CENPP: variants seen among roughly 807,000 people sequenced by gnomAD.
CENPP encodes centromere protein P.
CENPP carries 24 observed loss-of-function variants against 35.6 expected under a neutral mutation model. The observed-to-expected ratio is 0.67, with a 90% confidence interval of 0.49 to 0.95. CENPP has a LOEUF of 0.95. Ranked by LOEUF, CENPP falls within the 40% of genes least tolerant of loss-of-function variation. The pLI is 0.00. For synonymous variants in CENPP, 120 were observed against 125.5 expected (o/e 0.96, Z 0.29); for missense variants, 332 against 345.3 (o/e 0.96, Z 0.31).
rs1841325362 is a variant in CENPP, at chr9:92,347,488, A to T, written c.467+1701A>T. ...ACATAGGTCAGAAGACCTGGATTTT[A>T]TTCCAGATTCAACTACGTGTAAGTT... is the stretch of plus-strand genomic sequence containing the variant. On this transcript the variant is annotated intron_variant, in intron 4 of 7. Coordinates refer to ENST00000375587, the MANE Select transcript of CENPP (RefSeq NM_001012267.3). 4.6e-5 allele frequency among the ~76,000 whole-genome samples: 7 copies of T among 152,210 alleles called. No individual in the cohort carries two copies. The South Asian group carries it at 1.4e-3, about 31-fold the overall frequency.
chr9:92,417,507 C>G (rs777123276), intron 5 of CENPP: 40 of 1,609,686 alleles, frequency 2.5e-5, no homozygotes, highest in Non-Finnish European at 3.3e-5. Flanking sequence ...TGGCAATGTA[C>G]TTTGACTCCA....
chr9:92,366,504 G>A (rs956920811), intron 4 of CENPP, among the ~76,000 whole-genome samples: 1 of 152,112 alleles, frequency 6.6e-6, no homozygotes, highest in Admixed American at 6.5e-5. Flanking sequence ...AACTCCTTTA[G>A]TAAGTATATG....
chr9:92,482,560 A>G (rs1416063247), intron 5 of CENPP: 2 of 152,134 alleles, frequency 1.3e-5, no homozygotes, highest in Admixed American at 6.6e-5. Flanking sequence ...CACTGTTTGT[A>G]TCGTAGCCAA....
At chr9:92,552,947 CT>C (rs905469640) in intron 5 of CENPP, among the ~76,000 whole-genome samples, 13 of 151,470 alleles carry the variant, frequency 8.6e-5, no homozygotes, top group Non-Finnish European at 1.3e-4. Context: ...ATTTTTTCCT[CT>C]TTTTTTTCTT....
At chr9:92,358,288 G>C (rs1475705403) in intron 4 of CENPP, among the ~76,000 whole-genome samples, 1 of 151,622 alleles carries the variant, frequency 6.6e-6, no homozygotes, top group Non-Finnish European at 1.5e-5. Flanking sequence ...TGTCACCCAG[G>C]CTAGAGTACA....
intron 5 of CENPP, chr9:92,600,590 G>A (rs1490314238): frequency 1.3e-6 from 2 of 1,599,336 alleles, no homozygotes; most frequent in East Asian, 2.2e-5. Context: ...AGGGTTCTGG[G>A]GCATCAGTCA....
At chr9:92,425,324 A>G (rs1843936152) in intron 5 of CENPP, among the ~76,000 whole-genome samples, 1 of 152,230 alleles carries the variant, frequency 6.6e-6, no homozygotes, top group Non-Finnish European at 1.5e-5. Flanking sequence ...GCACAAAATA[A>G]TTCTGTAGTA....
intron 5 of CENPP, among the ~76,000 whole-genome samples, chr9:92,416,052 A>ATG (rs1292606240): frequency 5.0e-4 from 45 of 90,676 alleles, no homozygotes; most frequent in Middle Eastern, 5.6e-3. Flanking sequence ...TATATTATAT[A>ATG]TGTGTGTATA....
chr9:92,447,512 T>C (rs1179414001), intron 5 of CENPP, among the ~76,000 whole-genome samples: 2 of 152,172 alleles, frequency 1.3e-5, no homozygotes, highest in Admixed American at 1.3e-4. Context: ...GAAGTGGCTG[T>C]AAATACAGAT....
chr9:92,345,608 T>C (rs879454454), intron 3 of CENPP, 91 bp from the exon 4 acceptor site: 3 of 701,322 alleles, frequency 4.3e-6, no homozygotes, highest in Non-Finnish European at 7.4e-6. Flanking sequence ...TCCTTTTATT[T>C]GGTGGCATTT....
intron 5 of CENPP, among the ~76,000 whole-genome samples, chr9:92,562,171 T>C (rs747322050): frequency 6.6e-5 from 10 of 152,090 alleles, no homozygotes; most frequent in Non-Finnish European, 1.5e-4. Flanking sequence ...TAAGTCACAT[T>C]TCCCTTCTGG....
chr9:92,544,744 T>C (rs1328937388), intron 5 of CENPP, among the ~76,000 whole-genome samples: 3 of 149,776 alleles, frequency 2.0e-5, no homozygotes, highest in South Asian at 2.1e-4. Context: ...AGTTGGAGTT[T>C]CGCTGTTGTT....
chr9:92,425,322 T>C (rs1843936015), intron 5 of CENPP, among the ~76,000 whole-genome samples: 1 of 152,226 alleles, frequency 6.6e-6, no homozygotes, highest in Non-Finnish European at 1.5e-5. Context: ...TTGCACAAAA[T>C]AATTCTGTAG....
chr9:92,460,572 T>C, intron 5 of CENPP: 2 of 1,491,610 alleles, frequency 1.3e-6, no homozygotes, highest in Non-Finnish European at 1.9e-6. Flanking sequence ...GTAAGCCTAA[T>C]AAGAAGAGAA....
At chr9:92,451,821 G>A (rs1168265513) in intron 5 of CENPP, among the ~76,000 whole-genome samples, 1 of 151,686 alleles carries the variant, frequency 6.6e-6, no homozygotes, top group Admixed American at 6.6e-5. Flanking sequence ...CACATCCCTT[G>A]TAAGTTGGAT....
rs1851355608 is a variant in CENPP, at chr9:92,614,067, C to T, written c.*918C>T. On this transcript the variant is annotated 3_prime_UTR_variant, in exon 8 of 8. Coordinates refer to ENST00000375587, the MANE Select transcript of CENPP (RefSeq NM_001012267.3). ...CAGAGTGGGGGTCTCCATCTGTTTT[C>T]TCTTCTCCCTCAAATACAGGCTGTT... is the stretch of plus-strand genomic sequence containing the variant. 6.6e-6 allele frequency: 1 copy of T among 152,306 alleles called. No homozygotes were observed. The highest frequency in any genetic ancestry group is 1.5e-5 in the Non-Finnish European group (1 of 68,120). 9.4% of individuals were successfully genotyped at this position (152,306 alleles called of 1,614,324 possible).
intron 5 of CENPP, chr9:92,403,114 T>A: frequency 1.6e-6 from 1 of 618,732 alleles, no homozygotes; most frequent in East Asian, 2.8e-5. Flanking sequence ...TGAATTCGTT[T>A]GAATCATTTA....
At chr9:92,485,118 C>T (rs751852064) in intron 5 of CENPP, among the ~76,000 whole-genome samples, 41 of 152,198 alleles carry the variant, frequency 2.7e-4, no homozygotes, top group Non-Finnish European at 5.3e-4. Context: ...GCAGCAGGCA[C>T]GAACGTGCCA....
At chr9:92,470,421 T>C (rs1327565619) in intron 5 of CENPP, among the ~76,000 whole-genome samples, 3 of 152,234 alleles carry the variant, frequency 2.0e-5, no homozygotes. Flanking sequence ...TAAGCTTATT[T>C]GAGGACCATT....
Sources: gnomAD v4.1 joint callset for allele counts (sites outside exome capture counted in the v4.1 genomes callset) on GRCh38, gnomAD v4.1.1 for gene constraint, MANE v1.5 for transcripts, NCBI Gene and HGNC (gene_info 2026-07-23, HGNC 2026-07-21) for gene names.